NMT1: variants seen among roughly 807,000 people sequenced by gnomAD.
The protein encoded by NMT1 is N-myristoyltransferase 1, also known as glycylpeptide N-tetradecanoyltransferase 1.
A neutral mutation model predicts 63.4 loss-of-function variants in NMT1; 12 were observed. The ratio of observed to expected loss-of-function variants is 0.19; its 90% CI spans 0.12 to 0.31. The LOEUF (loss-of-function observed/expected upper bound fraction) is 0.31, where lower values mean the gene tolerates loss of function less well. Among genes scored for constraint, NMT1 ranks in the 10% least tolerant of loss-of-function variants. NMT1 has a pLI of 1.00. For synonymous variants in NMT1, 228 were observed against 234.3 expected, an observed-to-expected ratio of 0.97 and a Z score of 0.25; for missense variants, 432 against 634.6, an observed-to-expected ratio of 0.68 and a Z score of 3.43.
At chr17:45,082,109 G>T (rs1159276972) in intron 2 of NMT1, among the ~76,000 whole-genome samples, 1 of 151,956 alleles carries the variant, frequency 6.6e-6, no homozygotes, top group Non-Finnish European at 1.5e-5. Context: ...ACAATGAAAG[G>T]CCCCCCCTTT....
At chr17:45,075,357 G>A (rs188626503) in intron 1 of NMT1, among the ~76,000 whole-genome samples, 235 of 151,154 alleles carry the variant, frequency 1.6e-3, no homozygotes, top group Admixed American at 4.6e-3. Flanking sequence ...GATGCTGGGC[G>A]CCTGTAATCC....
At chr17:45,091,237 C>CGT (rs71136068) in intron 3 of NMT1, among the ~76,000 whole-genome samples, 12,850 of 148,396 alleles carry the variant, frequency 0.087, 681 homozygotes, top group Middle Eastern at 0.16. Context: ...CACACACACA[C>CGT]GTCCCATAGC....
chr17:45,093,672 G>A lies in NMT1; in HGVS notation c.386-13G>A. On this transcript the variant is annotated splice_polypyrimidine_tract_variant and intron_variant, in intron 3 of 11. Coordinates refer to ENST00000258960, the MANE Select transcript of NMT1 (RefSeq NM_021079.5). Reference sequence around the variant, plus strand: ...GGCAAAGGGTGAGGCTCACAGCTGTGCTCTTCTTTCAGGCGAAGTGGTGAA... The same window carrying A: ...GGCAAAGGGTGAGGCTCACAGCTGTACTCTTCTTTCAGGCGAAGTGGTGAA... The A allele has an allele frequency of 1.2e-6, 2 of 1,611,824 alleles. No individual in the cohort carries two copies. Among genetic ancestry groups the A allele is most frequent in the Non-Finnish European group, 8.5e-7 (1 of 1,177,926 alleles).
chr17:45,063,298 A>G (rs2053880243), intron 1 of NMT1, among the ~76,000 whole-genome samples: 2 of 152,072 alleles, frequency 1.3e-5, no homozygotes, highest in Non-Finnish European at 2.9e-5. Context: ...CTGTTGCTGT[A>G]ACTCACAACA....
rs2053974383 is a variant in NMT1, at chr17:45,075,890, C to T, written c.132-5754C>T. ...TTCAAGACCAGCCTGACCAACATGG[C>T]GAGACCTCATCTCTACTAAAAATAC... On this transcript the variant is annotated intron_variant, in intron 1 of 11. Coordinates refer to ENST00000258960, the MANE Select transcript of NMT1 (RefSeq NM_021079.5). Among the ~76,000 whole-genome samples, 3 of 151,984 alleles carry T rather than the reference C, an allele frequency of 2.0e-5. No individual in the cohort carries two copies. In the South Asian group the frequency reaches 6.2e-4, roughly 32 times the overall value.
rs1298814053 is a variant in NMT1 at position 45,072,479 on chromosome 17, G to T, written c.132-9165G>T. 6.6e-5 allele frequency among the ~76,000 whole-genome samples: 10 copies of T among 151,586 alleles called. No homozygotes were observed. In the East Asian group the frequency reaches 2.0e-3, roughly 30 times the overall value. ...GGGGTTTCGCCATGTTGGCCAGGCT[G>T]ATCTGAAACTCCTGACCTCAGCTGA... On this transcript the variant is annotated intron_variant, in intron 1 of 11. Coordinates refer to ENST00000258960, the MANE Select transcript of NMT1 (RefSeq NM_021079.5).
At chr17:45,102,423 C>A (rs1459324191) in intron 8 of NMT1, among the ~76,000 whole-genome samples, 1 of 152,202 alleles carries the variant, frequency 6.6e-6, no homozygotes, top group South Asian at 2.1e-4. Context: ...GAATGTAACC[C>A]ACAGCCGTGT....
chr17:45,068,199 A>G (rs1320251920), intron 1 of NMT1, among the ~76,000 whole-genome samples: 1 of 152,220 alleles, frequency 6.6e-6, no homozygotes, highest in Non-Finnish European at 1.5e-5. Context: ...CCATAGGCTC[A>G]GTATTTGCCT....
intron 1 of NMT1, among the ~76,000 whole-genome samples, chr17:45,080,636 T>C (rs368954360): frequency 6.7e-6 from 1 of 149,066 alleles, no homozygotes; most frequent in African/African-American, 2.5e-5. Flanking sequence ...GCCCGGCTAA[T>C]TTTTTTGTAT....
rs765144876 is a variant in NMT1 at position 45,098,529 on chromosome 17, A to G, written c.861A>G (p.Leu287=). ...FQAVYTAGVV[L]PKPVGTCRYW... ...CAGTTTACACTGCCGGGGTGGTACT[A>G]CCAAAGCCCGTTGGCACCTGCAGGT... Residue 287 remains leucine, a synonymous_variant, in exon 7 of 12, where the codon CTA becomes CTG. Transcript: ENST00000258960. The G allele has an allele frequency of 5.0e-6, 8 of 1,613,992 alleles. No individual in the cohort carries two copies. In the East Asian group the frequency reaches 1.8e-4, roughly 36 times the overall value.
In NMT1 at chr17:45,081,747, G is replaced by A. The variant is rs761306458; in HGVS notation, c.235G>A (p.Val79Met). Residue 79 changes from valine to methionine, a missense_variant, in exon 2 of 12, where the codon GTG (valine) becomes ATG (methionine). By Grantham distance (21) the Val-to-Met change is conservative. Transcript: ENST00000258960. ...SETDSAQDQP[V>M]KMNSLPAERI... ...GACAGATTCAGCCCAGGATCAGCCT[G>A]TGAAGGTAACAAGGAGGTTCTGTTT... The A allele has an allele frequency of 2.6e-6, 4 of 1,561,420 alleles. No homozygotes were observed. The highest frequency in any genetic ancestry group is 3.5e-6 in the Non-Finnish European group (4 of 1,152,966).
chr17:45,098,573 G>C (rs755720834), intron 7 of NMT1, 21 bp downstream of exon 7: 1 of 1,611,196 alleles, frequency 6.2e-7, no homozygotes, highest in South Asian at 1.1e-5. Context: ...CTTCCTGTAA[G>C]GCCCCAAAAA....
At chr17:45,075,105 T>C (rs1450368935) in intron 1 of NMT1, among the ~76,000 whole-genome samples, 2 of 151,838 alleles carry the variant, frequency 1.3e-5, no homozygotes, top group Non-Finnish European at 2.9e-5. Context: ...GAGCCAGGAG[T>C]TGGAGGCAGG....
At chr17:45,077,829 A>T (rs1193232324) in intron 1 of NMT1, among the ~76,000 whole-genome samples, 1 of 152,190 alleles carries the variant, frequency 6.6e-6, no homozygotes, top group Non-Finnish European at 1.5e-5. Context: ...TACTAAGAAG[A>T]AGAAGTTATC....
At chr17:45,087,748 C>G (rs1215132060) in intron 3 of NMT1, among the ~76,000 whole-genome samples, 1 of 152,130 alleles carries the variant, frequency 6.6e-6, no homozygotes, top group African/African-American at 2.4e-5. Context: ...CCTCCAGAAA[C>G]ACAATGAGAC....
At chr17:45,091,910 A>C (rs988922740) in intron 3 of NMT1, among the ~76,000 whole-genome samples, 6 of 152,068 alleles carry the variant, frequency 3.9e-5, no homozygotes, top group African/African-American at 1.4e-4. Flanking sequence ...AGTCCCAACC[A>C]CTCGAGAGGC....
chr17:45,062,892 A>G (rs964450359), intron 1 of NMT1, among the ~76,000 whole-genome samples: 1 of 152,128 alleles, frequency 6.6e-6, no homozygotes, highest in African/African-American at 2.4e-5. Context: ...TAAAAGATCT[A>G]GCTTTTATGT....
chr17:45,095,334 C>T (rs1484921969), intron 4 of NMT1, among the ~76,000 whole-genome samples: 1 of 151,950 alleles, frequency 6.6e-6, no homozygotes, highest in Non-Finnish European at 1.5e-5. Flanking sequence ...TCTTAAACTT[C>T]TGACCTCAGG....
chr17:45,072,189 C>T (rs531961697), intron 1 of NMT1, among the ~76,000 whole-genome samples: 1 of 150,880 alleles, frequency 6.6e-6, no homozygotes, highest in African/African-American at 2.4e-5. Flanking sequence ...GAGGTTGAGG[C>T]TGCAGTGAGC....
Sources: allele counts gnomAD v4.1 joint callset (sites outside exome capture counted in the v4.1 genomes callset), GRCh38; gene constraint gnomAD v4.1.1; transcripts MANE v1.5; gene names NCBI Gene and HGNC (gene_info 2026-07-23, HGNC 2026-07-21).